The following TBXAS1 variants were observed in gnomAD, a reference collection of about 807,000 sequenced individuals.
TBXAS1 encodes the protein thromboxane-A synthase.
In TBXAS1, 48 loss-of-function variants were observed where a neutral mutation model predicts 60.7. The observed-to-expected ratio is 0.79, with a 90% CI of 0.63 to 1.01. The LOEUF is 1.01. TBXAS1 is among the 50% of genes least tolerant of loss of function. TBXAS1 has a pLI of 0.00. For synonymous variants in TBXAS1, 287 were observed against 269.7 expected, an observed-to-expected ratio of 1.06 and a Z score of -0.63; for missense variants, 685 against 686.3, an observed-to-expected ratio of 1.00 and a Z score of 0.02.
chr7:139,992,249 G>T (rs1812967262), intron 9 of TBXAS1, among the ~76,000 whole-genome samples: 1 of 152,208 alleles, frequency 6.6e-6, no homozygotes, highest in South Asian at 2.1e-4. Context: ...GAAAACTCCA[G>T]GTCCATGGAA....
At chr7:139,926,971 G>A (rs1264504418) in intron 4 of TBXAS1, among the ~76,000 whole-genome samples, 1 of 151,486 alleles carries the variant, frequency 6.6e-6, no homozygotes, top group East Asian at 1.9e-4. Context: ...TTGATTTCTA[G>A]GGTTTCTTTT....
rs145949041 is a variant in TBXAS1 at position 139,977,825 on chromosome 7, C to T, written c.1134+15592C>T. 9.8e-5 allele frequency among the ~76,000 whole-genome samples: 15 copies of T among 152,286 alleles called. No individual in the cohort carries two copies. In the East Asian group the frequency reaches 2.1e-3, roughly 22 times the overall value. On this transcript the variant is annotated intron_variant, in intron 9 of 12. Coordinates refer to ENST00000448866, the MANE Select transcript of TBXAS1 (RefSeq NM_001061.7). ...ATCGTAACAGTAAACATTTATGGAG[C>T]GCCATAATTATTCATAATAATTTTT...
At chr7:139,784,011 GTTTT>G (rs11340240) in intron 3 of TBXAS1, among the ~76,000 whole-genome samples, 3 of 132,068 alleles carry the variant, frequency 2.3e-5, no homozygotes, top group Admixed American at 7.8e-5. Context: ...AGTTTTTTTT[GTTTT>G]TTTTTTTTTT....
intron 10 of TBXAS1, among the ~76,000 whole-genome samples, chr7:140,008,061 T>C (rs571554541): frequency 5.2e-4 from 79 of 152,348 alleles, no homozygotes; most frequent in African/African-American, 1.9e-3. Context: ...ATTAACCGTA[T>C]GTGATAAATT....
At chr7:139,958,988 G>A (rs1810106609) in intron 8 of TBXAS1, among the ~76,000 whole-genome samples, 1 of 145,546 alleles carries the variant, frequency 6.9e-6, no homozygotes, top group African/African-American at 2.6e-5. Flanking sequence ...TGCTACTAAG[G>A]GCCACCTTTT....
chr7:139,961,851 T>C, intron 8 of TBXAS1, 68 bp from the exon 9 acceptor site: 1 of 1,588,410 alleles, frequency 6.3e-7, no homozygotes, highest in Non-Finnish European at 8.6e-7. Context: ...CCTCCTTTGT[T>C]CTCCAGGAAG....
chr7:139,799,848 T>A (rs934036429), intron 4 of TBXAS1, among the ~76,000 whole-genome samples: 6 of 152,188 alleles, frequency 3.9e-5, no homozygotes, highest in African/African-American at 1.4e-4. Flanking sequence ...GTGTATGAGG[T>A]CTCCTAATTT....
chr7:139,987,930 A>C (rs920995065), intron 9 of TBXAS1, among the ~76,000 whole-genome samples: 1 of 152,210 alleles, frequency 6.6e-6, no homozygotes, highest in Non-Finnish European at 1.5e-5. Flanking sequence ...CCAGTTCCAC[A>C]AAAGAACGGA....
intron 4 of TBXAS1, among the ~76,000 whole-genome samples, chr7:139,798,911 G>A (rs574142718): frequency 3.9e-5 from 6 of 152,150 alleles, no homozygotes; most frequent in African/African-American, 1.4e-4. Context: ...TCTTAGTTCT[G>A]GTTCTGTAAC....
intron 9 of TBXAS1, among the ~76,000 whole-genome samples, chr7:139,991,982 C>T (rs1348722444): frequency 6.6e-6 from 1 of 152,180 alleles, no homozygotes; most frequent in East Asian, 1.9e-4. Flanking sequence ...TGCAGGGGAG[C>T]CTCGTGGGAA....
chr7:139,995,658 A>T (rs986360318), intron 9 of TBXAS1, among the ~76,000 whole-genome samples: 12 of 152,174 alleles, frequency 7.9e-5, no homozygotes, highest in Non-Finnish European at 1.3e-4. Flanking sequence ...TGCCTATTGC[A>T]TTGTGAAGTT....
intron 4 of TBXAS1, among the ~76,000 whole-genome samples, chr7:139,927,752 G>GT (rs1311393869): frequency 1.3e-4 from 20 of 152,024 alleles, no homozygotes; most frequent in Admixed American, 9.2e-4. Context: ...GTTTTTGTAG[G>GT]TATTTAATAG....
Position 140,020,219 on chromosome 7 carries a change from G to T in TBXAS1, c.*120G>T. The T allele has an allele frequency of 1.0e-6, 1 of 957,704 alleles. No homozygotes were observed. 59.3% of individuals were successfully genotyped at this position (957,704 alleles called of 1,614,324 possible). The stretch of plus-strand genomic sequence containing the variant: ...GATTGAAAGAGTGCCTGGCATGCAA[G>T]GATAAGAGGTTCTTTACATAACATT... On this transcript the variant is annotated 3_prime_UTR_variant, in exon 13 of 13. Coordinates refer to ENST00000448866, the MANE Select transcript of TBXAS1 (RefSeq NM_001061.7).
At chr7:139,881,967 G>A (rs1584758048) in intron 3 of TBXAS1, among the ~76,000 whole-genome samples, 1 of 152,204 alleles carries the variant, frequency 6.6e-6, no homozygotes, top group Non-Finnish European at 1.5e-5. Flanking sequence ...TGTGGCATCA[G>A]CAATCAAAAT....
rs184060036 is a variant in TBXAS1, at chr7:139,850,986, C to T, written c.90-21249C>T. Among the ~76,000 whole-genome samples the T allele has an allele frequency of 1.1e-4, 17 of 152,256 alleles. No individual in the cohort carries two copies. The East Asian group carries it at 1.9e-3, about 17-fold the overall frequency. On this transcript the variant is annotated intron_variant, in intron 1 of 12. Coordinates refer to ENST00000448866, the MANE Select transcript of TBXAS1 (RefSeq NM_001061.7). Reference sequence around the variant, plus strand: ...ATAATTTCTGTTGTTTTAAGCCACCCGGTTTGTGGCAATTTGTTAGAGAAG... The same window carrying T: ...ATAATTTCTGTTGTTTTAAGCCACCTGGTTTGTGGCAATTTGTTAGAGAAG...
intron 1 of TBXAS1, among the ~76,000 whole-genome samples, chr7:139,861,105 C>A (rs895956491): frequency 6.7e-6 from 1 of 149,530 alleles, no homozygotes; most frequent in Non-Finnish European, 1.5e-5. Flanking sequence ...GCCCGGGAGG[C>A]GAAGGTTGCA....
chr7:139,820,011 G>T (rs982645843), intron 4 of TBXAS1, among the ~76,000 whole-genome samples: 4 of 151,938 alleles, frequency 2.6e-5, no homozygotes, highest in Admixed American at 2.0e-4. Flanking sequence ...TGCCTGAAAT[G>T]CCATTTGTGA....
intron 4 of TBXAS1, among the ~76,000 whole-genome samples, chr7:139,814,037 G>A (rs948513510): frequency 3.9e-5 from 6 of 152,102 alleles, no homozygotes; most frequent in Admixed American, 1.3e-4. Flanking sequence ...CCCCCAGCAC[G>A]GCCTTTGCTT....
intron 9 of TBXAS1, among the ~76,000 whole-genome samples, chr7:139,995,302 C>T (rs1359512275): frequency 1.3e-5 from 2 of 152,178 alleles, no homozygotes; most frequent in Non-Finnish European, 2.9e-5. Flanking sequence ...TTTCCCCAAA[C>T]AGCTAGTGAC....
Sources: gnomAD v4.1 joint callset for allele counts (sites outside exome capture counted in the v4.1 genomes callset) on GRCh38, gnomAD v4.1.1 for gene constraint, MANE v1.5 for transcripts, NCBI Gene and HGNC (gene_info 2026-07-23, HGNC 2026-07-21) for gene names.